The following DCC variants were observed in gnomAD, a reference collection of about 807,000 sequenced individuals.
The protein encoded by DCC is netrin receptor DCC.
A neutral mutation model predicts 172.5 loss-of-function variants in DCC; 58 were observed. That is an observed-to-expected ratio of 0.34 (90% confidence interval 0.27 to 0.42). The LOEUF is 0.42. Among genes scored for constraint, DCC ranks in the 10% least tolerant of loss-of-function variants. DCC has a pLI of 1.00. For synonymous variants in DCC, 709 were observed against 644.5 expected (o/e 1.10, Z -1.52); for missense variants, 1,740 against 1,791.0 (o/e 0.97, Z 0.51).
chr18:53,282,381 C>G (rs908097680), intron 12 of DCC, among the ~76,000 whole-genome samples: 1 of 152,120 alleles, frequency 6.6e-6, no homozygotes, highest in Non-Finnish European at 1.5e-5. Flanking sequence ...TATCCCTTAA[C>G]ATCTTCCTTC....
chr18:52,468,598 C>CATT (rs1988856942), intron 1 of DCC, among the ~76,000 whole-genome samples: 1 of 152,130 alleles, frequency 6.6e-6, no homozygotes, highest in Non-Finnish European at 1.5e-5. Context: ...ATATGTTTAG[C>CATT]AATGTAAACA....
At chr18:52,617,080 T>C (rs2034396071) in intron 1 of DCC, among the ~76,000 whole-genome samples, 1 of 152,160 alleles carries the variant, frequency 6.6e-6, no homozygotes, top group African/African-American at 2.4e-5. Flanking sequence ...GGTCAAAGTA[T>C]TATCCGACGA....
chr18:52,985,471 A>G (rs900921266), intron 5 of DCC, among the ~76,000 whole-genome samples: 7 of 152,066 alleles, frequency 4.6e-5, no homozygotes, highest in Admixed American at 2.6e-4. Context: ...TAGATAGGCA[A>G]TGTTTCATTT....
chr18:53,346,436 T>G (rs1237134709), intron 15 of DCC, among the ~76,000 whole-genome samples: 1 of 152,176 alleles, frequency 6.6e-6, no homozygotes, highest in Non-Finnish European at 1.5e-5. Flanking sequence ...GAATTTTATC[T>G]TATACATTCT....
chr18:52,849,441 A>G (rs16955706), intron 2 of DCC, among the ~76,000 whole-genome samples: 3,731 of 152,268 alleles, frequency 0.025, 137 homozygotes, highest in African/African-American at 0.082. Context: ...TCTACAGGGA[A>G]AACTTTACTC....
At chr18:53,258,903 T>C (rs1422073102) in intron 12 of DCC, among the ~76,000 whole-genome samples, 2 of 152,310 alleles carry the variant, frequency 1.3e-5, no homozygotes, top group African/African-American at 4.8e-5. Flanking sequence ...CTGTATTGGG[T>C]GCATATATGT....
At chr18:52,868,053 A>G (rs201667323) in intron 2 of DCC, among the ~76,000 whole-genome samples, 3,472 of 144,296 alleles carry the variant, frequency 0.024, 69 homozygotes, top group South Asian at 0.05. Flanking sequence ...ATATATATAT[A>G]TGTGTGTGTG....
At chr18:52,667,449 C>G (rs1375396845) in intron 1 of DCC, among the ~76,000 whole-genome samples, 1 of 152,194 alleles carries the variant, frequency 6.6e-6, no homozygotes, top group Non-Finnish European at 1.5e-5. Context: ...TGACTTTGGC[C>G]TGTTGTAAGC....
intron 26 of DCC, among the ~76,000 whole-genome samples, chr18:53,494,623 T>G (rs1217527844): frequency 2.6e-5 from 4 of 152,212 alleles, no homozygotes; most frequent in Non-Finnish European, 4.4e-5. Context: ...TATCAGAGAC[T>G]AGGATTGCAA....
In DCC at chr18:52,405,578, C is replaced by T. The variant is rs1048880424; in HGVS notation, c.91+64700C>T. ...AGTGAACTCCCATTCACAATTGCTT[C>T]AAAGAGAATAAAATACCTAGGAATC... is the stretch of plus-strand genomic sequence containing the variant. On this transcript the variant is annotated intron_variant, in intron 1 of 28. Transcript: ENST00000442544. Among the ~76,000 whole-genome samples, 83 of 151,170 alleles carry T rather than the reference C, an allele frequency of 5.5e-4. 1 individual carries two copies. The highest frequency in any genetic ancestry group is 1.0e-3 in the Non-Finnish European group (68 of 67,774).
At position 53,193,071 on chromosome 18, in the gene DCC, C is replaced by G. The variant is rs551411321; in HGVS notation, c.1574-12145C>G. ...ATTCTAATTCAAGCTGTTTTCCTCT[C>G]TCTTCTGGACTATGGAATATTCTAC... On this transcript the variant is annotated intron_variant, in intron 9 of 28. Transcript: ENST00000442544. 3.9e-5 allele frequency among the ~76,000 whole-genome samples: 6 copies of G among 152,272 alleles called. No homozygotes were observed. In the South Asian group the frequency reaches 8.3e-4, roughly 21 times the overall value.
At chr18:52,521,166 C>T (rs1318687650) in intron 1 of DCC, among the ~76,000 whole-genome samples, 1 of 141,626 alleles carries the variant, frequency 7.1e-6, no homozygotes, top group African/African-American at 2.5e-5. Flanking sequence ...AAAATGCATA[C>T]TTGAATTGTG....
chr18:52,755,524 C>T (rs1000140408), intron 2 of DCC, among the ~76,000 whole-genome samples: 6 of 152,158 alleles, frequency 3.9e-5, no homozygotes, highest in Non-Finnish European at 7.4e-5. Flanking sequence ...TAAACACTTA[C>T]CATGCTGTTT....
chr18:53,088,575 C>G (rs963011498), intron 7 of DCC, among the ~76,000 whole-genome samples: 7 of 151,906 alleles, frequency 4.6e-5, no homozygotes, highest in African/African-American at 1.7e-4. Flanking sequence ...AAGAGCAGAA[C>G]TGAAGGAAAT....
chr18:53,255,846 C>T (rs1255666757), intron 12 of DCC, among the ~76,000 whole-genome samples: 1 of 152,114 alleles, frequency 6.6e-6, no homozygotes, highest in African/African-American at 2.4e-5. Flanking sequence ...AAAACTGTTC[C>T]TATTTCTCCA....
At chr18:52,510,564 C>T (rs2031400894) in intron 1 of DCC, among the ~76,000 whole-genome samples, 1 of 152,194 alleles carries the variant, frequency 6.6e-6, no homozygotes, top group African/African-American at 2.4e-5. Context: ...CCCCACTCAC[C>T]ATGGTGCCCT....
intron 12 of DCC, among the ~76,000 whole-genome samples, chr18:53,253,767 C>T (rs1209327589): frequency 6.6e-6 from 1 of 152,052 alleles, no homozygotes; most frequent in African/African-American, 2.4e-5. Flanking sequence ...ACCTCTCATA[C>T]AGACTTAAGG....
At chr18:52,485,922 T>TA (rs559980687) in intron 1 of DCC, among the ~76,000 whole-genome samples, 3 of 152,048 alleles carry the variant, frequency 2.0e-5, no homozygotes, top group Non-Finnish European at 2.9e-5. Flanking sequence ...ATTTTTATGA[T>TA]AAAAAAAGCA....
At chr18:53,154,699 A>G (rs1041612507) in intron 7 of DCC, among the ~76,000 whole-genome samples, 3 of 152,128 alleles carry the variant, frequency 2.0e-5, no homozygotes, top group South Asian at 2.1e-4. Flanking sequence ...GAACCCTAGC[A>G]TGCGGTGAGT....
Sources: allele counts gnomAD v4.1 joint callset (sites outside exome capture counted in the v4.1 genomes callset), GRCh38; gene constraint gnomAD v4.1.1; transcripts MANE v1.5; gene names NCBI Gene and HGNC (gene_info 2026-07-23, HGNC 2026-07-21).